ZNF438: variants seen among roughly 807,000 people sequenced by gnomAD.
The protein encoded by ZNF438 is zinc finger protein 438.
In ZNF438, 25 loss-of-function variants were observed where a neutral mutation model predicts 38.0. The ratio of observed to expected loss-of-function variants is 0.66; its 90% CI spans 0.48 to 0.92. ZNF438 has a LOEUF of 0.92. Among genes scored for constraint, ZNF438 ranks in the 40% least tolerant of loss-of-function variants. ZNF438 has a pLI of 0.00. For synonymous variants in ZNF438, 372 were observed against 364.1 expected (o/e 1.02, Z -0.25); for missense variants, 1,007 against 999.6 (o/e 1.01, Z -0.10).
intron 5 of ZNF438, among the ~76,000 whole-genome samples, chr10:30,847,080 G>A (rs1041885331): frequency 1.3e-5 from 2 of 152,332 alleles, no homozygotes; most frequent in African/African-American, 4.8e-5. Context: ...AGCATGAACA[G>A]CCTGGGTGCC....
At chr10:30,982,231 A>T (rs2052282304) in intron 1 of ZNF438, among the ~76,000 whole-genome samples, 1 of 151,460 alleles carries the variant, frequency 6.6e-6, no homozygotes, top group Non-Finnish European at 1.5e-5. Flanking sequence ...CCTCCTGAGT[A>T]GCTGGGACTA....
intron 4 of ZNF438, among the ~76,000 whole-genome samples, chr10:30,851,125 A>C (rs1320242298): frequency 6.6e-6 from 1 of 152,266 alleles, no homozygotes; most frequent in Non-Finnish European, 1.5e-5. Flanking sequence ...AAAAAACAGA[A>C]AGATACAAAG....
intron 2 of ZNF438, among the ~76,000 whole-genome samples, chr10:30,914,476 A>T (rs2043392429): frequency 6.6e-6 from 1 of 152,014 alleles, no homozygotes; most frequent in South Asian, 2.1e-4. Flanking sequence ...TTCGAGAAAA[A>T]CTAGGAAAAT....
chr10:31,006,298 T>C (rs1323064665), intron 1 of ZNF438, among the ~76,000 whole-genome samples: 1 of 152,164 alleles, frequency 6.6e-6, no homozygotes, highest in East Asian at 1.9e-4. Flanking sequence ...GGAAAGGGTC[T>C]GAAAGTTAAG....
intron 4 of ZNF438, among the ~76,000 whole-genome samples, chr10:30,865,081 G>A (rs1486397849): frequency 6.6e-6 from 1 of 152,210 alleles, no homozygotes; most frequent in Non-Finnish European, 1.5e-5. Flanking sequence ...AAGTTGTTTA[G>A]CAATTTATCT....
intron 1 of ZNF438, among the ~76,000 whole-genome samples, chr10:30,996,871 A>T (rs1457359745): frequency 1.3e-5 from 2 of 152,192 alleles, no homozygotes; most frequent in African/African-American, 4.8e-5. Context: ...GCATGCAATT[A>T]GAATACAAAT....
At chr10:30,902,609 T>C (rs1168068159) in intron 3 of ZNF438, among the ~76,000 whole-genome samples, 2 of 151,988 alleles carry the variant, frequency 1.3e-5, no homozygotes, top group Non-Finnish European at 2.9e-5. Context: ...CCCACCAGAT[T>C]AGCTAGACAC....
At chr10:30,921,318 A>C (rs2044273213) in intron 2 of ZNF438, 1 of 152,196 alleles carries the variant, frequency 6.6e-6, no homozygotes, top group South Asian at 2.1e-4. Context: ...GTCTCAAATA[A>C]ATCATTTTTA....
At chr10:30,939,643 G>T (rs72814464) in intron 2 of ZNF438, among the ~76,000 whole-genome samples, 19,076 of 152,178 alleles carry the variant, frequency 0.13, 1,593 homozygotes, top group Middle Eastern at 0.24. Context: ...CAACCTACAG[G>T]TAAAAGTCTC....
At chr10:30,889,555 G>C (rs977587799) in intron 3 of ZNF438, among the ~76,000 whole-genome samples, 5 of 152,130 alleles carry the variant, frequency 3.3e-5, no homozygotes, top group Non-Finnish European at 7.3e-5. Context: ...ACAGGCGTGT[G>C]CCACCACATG....
At chr10:31,023,752 T>C (rs1030731262) in intron 1 of ZNF438, among the ~76,000 whole-genome samples, 9 of 152,254 alleles carry the variant, frequency 5.9e-5, no homozygotes, top group African/African-American at 1.9e-4. Flanking sequence ...TTAAGCACTT[T>C]GCCAACAAAG....
At chr10:31,028,030 C>G (rs1310337503) in intron 1 of ZNF438, among the ~76,000 whole-genome samples, 2 of 151,888 alleles carry the variant, frequency 1.3e-5, no homozygotes, top group Non-Finnish European at 2.9e-5. Flanking sequence ...CAAGACACAT[C>G]TTTTTTTGTT....
intron 4 of ZNF438, among the ~76,000 whole-genome samples, chr10:30,855,462 C>T (rs375079622): frequency 6.6e-6 from 1 of 152,200 alleles, no homozygotes; most frequent in African/African-American, 2.4e-5. Context: ...ATTTAACATA[C>T]TTATGCTTGT....
intron 1 of ZNF438, among the ~76,000 whole-genome samples, chr10:30,983,670 T>C (rs1255575063): frequency 6.6e-6 from 1 of 152,206 alleles, no homozygotes; most frequent in African/African-American, 2.4e-5. Context: ...ATGAAACCTA[T>C]AGCCATGTAT....
At position 30,848,844 on chromosome 10, in the gene ZNF438, G is replaced by T. The variant is rs1030811596; in HGVS notation, c.1561C>A (p.His521Asn). ...TGTGTATTCATGTGGTCTCGAAGGT[G>T]CTGTTTGAACTGGAAGTGGTGGTTG... The change falls in exon 5 of 6, where the codon CAC becomes AAC. Residue 521 changes from histidine (H) to asparagine (N), a missense_variant. By Grantham distance (68) the His-to-Asn change is moderately conservative (BLOSUM62 1). Coordinates refer to ENST00000413025, the Ensembl canonical transcript of ZNF438. The T allele has an allele frequency of 2.5e-6, 4 of 1,614,216 alleles. No homozygotes were observed. The highest frequency in any genetic ancestry group is 3.4e-6 in the Non-Finnish European group (4 of 1,180,038).
intron 4 of ZNF438, among the ~76,000 whole-genome samples, chr10:30,876,438 A>T (rs1350708694): frequency 6.6e-6 from 1 of 152,180 alleles, no homozygotes; most frequent in Non-Finnish European, 1.5e-5. Context: ...CTGGAGGTAC[A>T]GGTTCTTCTG....
Position 30,846,474 on chromosome 10 carries a change from G to A in ZNF438, c.1875-901C>T, listed in dbSNP as rs78628162. Among the ~76,000 whole-genome samples the A allele has an allele frequency of 3.7e-3, 567 of 152,356 alleles. 8 individuals are homozygous for A. Among genetic ancestry groups the A allele is most frequent in the African/African-American group, 0.013 (536 of 41,596 alleles). ...ATGGGGCCAGGCTGAGTCACCTGCT[G>A]GCAGGGGAAAACAGCACACTAGGGC... On this transcript the variant is annotated intron_variant, in intron 5 of 5. Transcript: ENST00000413025.
At chr10:30,849,303 C>G in exon 5 of ZNF438, 1 of 1,614,116 alleles carries the variant, frequency 6.2e-7, no homozygotes, top group Non-Finnish European at 8.5e-7. Context: ...TGGTTAAGAT[C>G]AAGTTTGGTG....
chr10:30,924,529 T>A (rs903299100), intron 2 of ZNF438, among the ~76,000 whole-genome samples: 1 of 152,222 alleles, frequency 6.6e-6, no homozygotes, highest in African/African-American at 2.4e-5. Flanking sequence ...GGAACTCAGA[T>A]AAAATAAAGT....
Sources: allele counts gnomAD v4.1 joint callset (sites outside exome capture counted in the v4.1 genomes callset), GRCh38; gene constraint gnomAD v4.1.1; transcripts MANE v1.5; gene names NCBI Gene and HGNC (gene_info 2026-07-23, HGNC 2026-07-21).